Variants in COL25A1 observed in about 807,000 individuals in gnomAD.
The protein encoded by COL25A1 is collagen type XXV alpha 1 chain.
In COL25A1, 103 loss-of-function variants were observed where a neutral mutation model predicts 128.4. The ratio of observed to expected loss-of-function variants is 0.80; its 90% CI spans 0.68 to 0.94. The LOEUF (loss-of-function observed/expected upper bound fraction) is 0.94, where lower values mean the gene tolerates loss of function less well. COL25A1 is among the 40% of genes least tolerant of loss of function. COL25A1 has a pLI of 0.00. For missense variants in COL25A1, 745 were observed against 840.0 expected (o/e 0.89, Z 1.40); for synonymous variants, 279 against 277.2 (o/e 1.01, Z -0.06).
At chr4:109,286,176 A>G (rs1009557460) in intron 3 of COL25A1, among the ~76,000 whole-genome samples, 5 of 152,230 alleles carry the variant, frequency 3.3e-5, no homozygotes, top group Admixed American at 6.5e-5. Context: ...GCAACAAACT[A>G]CAGCAATAGA....
At chr4:108,902,185 A>G (rs925235839) in intron 13 of COL25A1, among the ~76,000 whole-genome samples, 3 of 152,010 alleles carry the variant, frequency 2.0e-5, no homozygotes, top group African/African-American at 7.2e-5. Context: ...GAATTCTGTC[A>G]CTTTTATATT....
At chr4:108,964,336 TA>T (rs1485893220) in intron 8 of COL25A1, among the ~76,000 whole-genome samples, 2 of 151,808 alleles carry the variant, frequency 1.3e-5, no homozygotes, top group Non-Finnish European at 2.9e-5. Flanking sequence ...AATTTTCAGT[TA>T]AAGGCTCACA....
intron 5 of COL25A1, among the ~76,000 whole-genome samples, chr4:109,025,720 G>A (rs1758199015): frequency 6.6e-6 from 1 of 152,178 alleles, no homozygotes; most frequent in South Asian, 2.1e-4. Context: ...GGACCCAGAT[G>A]TTTGTGGCTG....
chr4:109,003,011 T>C (rs62313701), intron 6 of COL25A1, among the ~76,000 whole-genome samples: 20,950 of 152,144 alleles, frequency 0.14, 2,110 homozygotes, highest in East Asian at 0.4. Context: ...CTCCCACTTA[T>C]GAGTGAGGAC....
At chr4:108,981,282 T>A (rs1388836786) in intron 6 of COL25A1, among the ~76,000 whole-genome samples, 1 of 152,258 alleles carries the variant, frequency 6.6e-6, no homozygotes, top group East Asian at 1.9e-4. Context: ...TTCGAGTATT[T>A]ACTTTCACCT....
intron 5 of COL25A1, among the ~76,000 whole-genome samples, chr4:109,027,099 TA>T (rs1358018538): frequency 6.6e-6 from 1 of 152,238 alleles, no homozygotes; most frequent in Non-Finnish European, 1.5e-5. Context: ...ACTAGGACTA[TA>T]ATAAATATGG....
intron 3 of COL25A1, among the ~76,000 whole-genome samples, chr4:109,266,189 G>C (rs927175415): frequency 4.6e-5 from 7 of 152,052 alleles, no homozygotes; most frequent in African/African-American, 1.7e-4. Context: ...CTATTAAATC[G>C]GGATAACAGG....
At chr4:109,252,834 T>A (rs1442887637) in intron 3 of COL25A1, among the ~76,000 whole-genome samples, 1 of 152,188 alleles carries the variant, frequency 6.6e-6, no homozygotes, top group Non-Finnish European at 1.5e-5. Flanking sequence ...AGGACTATAG[T>A]GTTACTGCTG....
intron 5 of COL25A1, among the ~76,000 whole-genome samples, chr4:109,030,055 G>A (rs964201997): frequency 6.6e-6 from 1 of 152,024 alleles, no homozygotes; most frequent in Non-Finnish European, 1.5e-5. Flanking sequence ...CTCAGAGTTC[G>A]GATCCTCTAT....
At chr4:109,083,451 T>A (rs1243392078) in intron 3 of COL25A1, among the ~76,000 whole-genome samples, 1,132 of 103,242 alleles carry the variant, frequency 0.011, 47 homozygotes, top group African/African-American at 0.048. Context: ...TAAATAAATT[T>A]TTTTTTTTTT....
chr4:109,117,121 A>G (rs1407842265), intron 3 of COL25A1, among the ~76,000 whole-genome samples: 1 of 152,020 alleles, frequency 6.6e-6, no homozygotes, highest in Non-Finnish European at 1.5e-5. Context: ...AGAATTTTCC[A>G]AAATAAATGT....
intron 3 of COL25A1, among the ~76,000 whole-genome samples, chr4:109,252,277 G>A (rs747205610): frequency 1.3e-5 from 2 of 152,204 alleles, no homozygotes; most frequent in Non-Finnish European, 2.9e-5. Context: ...CTGGCGAATG[G>A]CGCCATATCA....
intron 18 of COL25A1, 97 bp downstream of exon 18, chr4:108,889,124 T>C: frequency 8.8e-7 from 1 of 1,140,808 alleles, no homozygotes; most frequent in Non-Finnish European, 1.3e-6. Context: ...GAAAACCGCA[T>C]CATTTTGTAA....
intron 5 of COL25A1, among the ~76,000 whole-genome samples, chr4:109,022,375 A>G (rs555777101): frequency 6.8e-6 from 1 of 146,792 alleles, no homozygotes; most frequent in Non-Finnish European, 1.5e-5. Context: ...CAGTGGAATC[A>G]TCAGCATTGG....
intron 8 of COL25A1, among the ~76,000 whole-genome samples, chr4:108,953,225 A>T (rs958142470): frequency 6.6e-6 from 1 of 152,162 alleles, no homozygotes; most frequent in Non-Finnish European, 1.5e-5. Flanking sequence ...GCAGGGAGTA[A>T]CATTACTTGC....
At chr4:108,964,433 AG>A (rs33943092) in intron 8 of COL25A1, among the ~76,000 whole-genome samples, 46,000 of 151,860 alleles carry the variant, frequency 0.3, 7,521 homozygotes, top group South Asian at 0.46. Context: ...TTTGTATAAA[AG>A]TTTACTCAAC....
chr4:109,087,013 G>A (rs1214468852), intron 3 of COL25A1, among the ~76,000 whole-genome samples: 1 of 152,182 alleles, frequency 6.6e-6, no homozygotes, highest in Non-Finnish European at 1.5e-5. Context: ...GACACTTGCT[G>A]TCACCTAGTC....
intron 3 of COL25A1, among the ~76,000 whole-genome samples, chr4:109,259,437 C>T (rs1781290003): frequency 6.6e-6 from 1 of 152,116 alleles, no homozygotes; most frequent in African/African-American, 2.4e-5. Context: ...GATTTCATTG[C>T]CATGGTGACT....
intron 6 of COL25A1, among the ~76,000 whole-genome samples, chr4:108,991,492 ATATAT>A (rs1183573349): frequency 6.6e-6 from 1 of 152,168 alleles, no homozygotes; most frequent in Admixed American, 6.5e-5. Flanking sequence ...AAAAATTCTA[ATATAT>A]TAAGACTTTT....
Sources: gnomAD v4.1 joint callset for allele counts (sites outside exome capture counted in the v4.1 genomes callset) on GRCh38, gnomAD v4.1.1 for gene constraint, MANE v1.5 for transcripts, NCBI Gene and HGNC (gene_info 2026-07-23, HGNC 2026-07-21) for gene names.